NKAIN2: variants seen among roughly 807,000 people sequenced by gnomAD.
NKAIN2 encodes sodium/potassium transporting ATPase interacting 2, also known as sodium/potassium-transporting ATPase subunit beta-1-interacting protein 2.
A neutral mutation model predicts 32.6 loss-of-function variants in NKAIN2; 14 were observed. That is an observed-to-expected ratio of 0.43 (90% CI 0.28 to 0.67). NKAIN2 has a LOEUF of 0.67. NKAIN2 is among the 30% of genes least tolerant of loss of function. The pLI is 0.17. For missense variants in NKAIN2, 198 were observed against 258.3 expected, an observed-to-expected ratio of 0.77 and a Z score of 1.60; for synonymous variants, 80 against 87.2, an observed-to-expected ratio of 0.92 and a Z score of 0.46.
At chr6:123,926,497 ACTGCAGTGTTCCCCAGATGCCCG>A (rs1195803045) in intron 1 of NKAIN2, among the ~76,000 whole-genome samples, 41 of 148,170 alleles carry the variant, frequency 2.8e-4, no homozygotes, top group Admixed American at 8.0e-4. Flanking sequence ...CCAGATTCCT[ACTGCAGTGTTCCCCAGATGCCCG>A]CTGCAGTGTT....
chr6:124,570,898 C>A (rs1781102594), intron 3 of NKAIN2, among the ~76,000 whole-genome samples: 1 of 152,190 alleles, frequency 6.6e-6, no homozygotes. Context: ...CACTCAACAC[C>A]AGCCTGTGAA....
rs568365984 is a variant in NKAIN2 at position 124,578,320 on chromosome 6, C to G, written c.274-79866C>G. 2.0e-5 allele frequency among the ~76,000 whole-genome samples: 3 copies of G among 151,960 alleles called. No individual in the cohort carries two copies. In the South Asian group the frequency reaches 6.2e-4, roughly 32 times the overall value. On this transcript the variant is annotated intron_variant, in intron 3 of 6. Coordinates refer to ENST00000368417, the MANE Select transcript of NKAIN2 (RefSeq NM_001040214.3). ...AAAGAATTTCTGGACCTGCTCTGCT[C>G]TGGGTCAGAGAGCATCCTACTGTCC...
chr6:123,832,339 G>T (rs960945088), intron 1 of NKAIN2, among the ~76,000 whole-genome samples: 5 of 151,942 alleles, frequency 3.3e-5, no homozygotes, highest in Admixed American at 1.3e-4. Flanking sequence ...ATATTTCATT[G>T]TCTGATTATC....
At chr6:124,196,141 A>AT (rs942625342) in intron 1 of NKAIN2, among the ~76,000 whole-genome samples, 1 of 152,080 alleles carries the variant, frequency 6.6e-6, no homozygotes, top group African/African-American at 2.4e-5. Context: ...ATTTTCATAT[A>AT]TTTTTTAAGT....
chr6:124,589,738 G>T (rs1781839141), intron 3 of NKAIN2, among the ~76,000 whole-genome samples: 1 of 152,082 alleles, frequency 6.6e-6, no homozygotes, highest in Non-Finnish European at 1.5e-5. Flanking sequence ...GTATACATGT[G>T]CCATGGTGGT....
intron 2 of NKAIN2, among the ~76,000 whole-genome samples, chr6:124,333,480 T>G (rs1797746592): frequency 6.6e-6 from 1 of 151,868 alleles, no homozygotes; most frequent in Admixed American, 6.6e-5. Context: ...GCCAACATGA[T>G]GAAAACCAAT....
At chr6:124,458,717 T>TCTAG (rs1776415935) in intron 3 of NKAIN2, among the ~76,000 whole-genome samples, 1 of 151,840 alleles carries the variant, frequency 6.6e-6, no homozygotes, top group Admixed American at 6.6e-5. Context: ...TAATACTATA[T>TCTAG]CTAGACACTG....
intron 1 of NKAIN2, among the ~76,000 whole-genome samples, chr6:123,997,485 A>T (rs1157071322): frequency 6.6e-6 from 1 of 152,080 alleles, no homozygotes; most frequent in East Asian, 1.9e-4. Context: ...AACACTTAGG[A>T]AATCACTGAG....
At chr6:124,344,868 T>C (rs1798325473) in intron 2 of NKAIN2, among the ~76,000 whole-genome samples, 2 of 152,312 alleles carry the variant, frequency 1.3e-5, no homozygotes, top group South Asian at 2.1e-4. Flanking sequence ...TCCAACACTA[T>C]GTTGAATAGG....
At chr6:124,137,558 A>G (rs1191003390) in intron 1 of NKAIN2, among the ~76,000 whole-genome samples, 1 of 152,154 alleles carries the variant, frequency 6.6e-6, no homozygotes, top group Non-Finnish European at 1.5e-5. Flanking sequence ...TAGCCAAAGC[A>G]TTACTAAGCA....
intron 3 of NKAIN2, among the ~76,000 whole-genome samples, chr6:124,616,848 ATGCATACATAGCTC>A (rs1489305996): frequency 6.6e-6 from 1 of 152,080 alleles, no homozygotes; most frequent in East Asian, 1.9e-4. Context: ...TGATAGTGCT[ATGCATACATAGCTC>A]TGTATCTTGA....
Position 123,824,903 on chromosome 6 carries a change from G to C in NKAIN2, c.54+20649G>C, listed in dbSNP as rs184361200. ...TCAATGTGCTCTGCTTCAGAAAAAA[G>C]CAAGGAAGTACATGATGTGCTTTTT... On this transcript the variant is annotated intron_variant, in intron 1 of 6. Coordinates refer to ENST00000368417, the MANE Select transcript of NKAIN2 (RefSeq NM_001040214.3). Among the ~76,000 whole-genome samples the C allele has an allele frequency of 2.0e-5, 3 of 152,158 alleles. No individual in the cohort carries two copies. The East Asian group carries it at 5.8e-4, about 30-fold the overall frequency.
chr6:124,584,607 C>A (rs939933989), intron 3 of NKAIN2, among the ~76,000 whole-genome samples: 1 of 145,664 alleles, frequency 6.9e-6, no homozygotes, highest in African/African-American at 2.6e-5. Context: ...GAGCCGAGAT[C>A]GTGTCATTGC....
At chr6:124,129,678 C>T (rs1241191998) in intron 1 of NKAIN2, among the ~76,000 whole-genome samples, 3 of 152,020 alleles carry the variant, frequency 2.0e-5, no homozygotes, top group Non-Finnish European at 4.4e-5. Flanking sequence ...AGTGCAATGG[C>T]GCAATCTCAG....
intron 1 of NKAIN2, among the ~76,000 whole-genome samples, chr6:124,220,643 C>A (rs1159162819): frequency 6.6e-6 from 1 of 151,054 alleles, no homozygotes; most frequent in African/African-American, 2.4e-5. Flanking sequence ...AAAATTTAAG[C>A]CTCTTCATAT....
intron 4 of NKAIN2, among the ~76,000 whole-genome samples, chr6:124,749,954 C>T (rs1188163131): frequency 3.3e-5 from 5 of 151,514 alleles, no homozygotes; most frequent in Non-Finnish European, 7.4e-5. Context: ...TTGGATGGAA[C>T]TTCCTTTCTG....
chr6:124,466,534 CCAT>C (rs996301232), intron 3 of NKAIN2, among the ~76,000 whole-genome samples: 4 of 152,058 alleles, frequency 2.6e-5, no homozygotes, highest in Middle Eastern at 3.4e-3. Context: ...TACTGCTCAT[CCAT>C]CAAATCCTAT....
At position 124,505,848 on chromosome 6, in the gene NKAIN2, C is replaced by T. The variant is rs148741878; in HGVS notation, c.273+150501C>T. On this transcript the variant is annotated intron_variant, in intron 3 of 6. Transcript: ENST00000368417. ...CTGCCCCCAACAGGCAACACCACAC[C>T]TCTAATGACAGACTTAGTGAGCCAC... Among the ~76,000 whole-genome samples, 6 of 152,166 alleles carry T rather than the reference C, an allele frequency of 3.9e-5. No individual in the cohort carries two copies. The East Asian group carries it at 1.2e-3, about 29-fold the overall frequency.
intron 1 of NKAIN2, among the ~76,000 whole-genome samples, chr6:123,888,136 A>G (rs1348800382): frequency 6.6e-6 from 1 of 152,108 alleles, no homozygotes; most frequent in Admixed American, 6.6e-5. Context: ...AGTAAAAACA[A>G]TCTAGACAAA....
Sources: gnomAD v4.1 joint callset for allele counts (sites outside exome capture counted in the v4.1 genomes callset) on GRCh38, gnomAD v4.1.1 for gene constraint, MANE v1.5 for transcripts, NCBI Gene and HGNC (gene_info 2026-07-23, HGNC 2026-07-21) for gene names.